The following TBC1D19 variants were observed in gnomAD, a reference collection of about 807,000 sequenced individuals.
TBC1D19 encodes the protein TBC1 domain family, member 19.
In TBC1D19, 60 loss-of-function variants were observed where a neutral mutation model predicts 89.0. The observed-to-expected ratio is 0.67, with a 90% CI of 0.55 to 0.84. The LOEUF is 0.84. Among genes scored for constraint, TBC1D19 ranks in the 40% least tolerant of loss-of-function variants. The pLI, the probability that TBC1D19 is intolerant of heterozygous loss-of-function variation, is 0.00. For missense variants in TBC1D19, 500 were observed against 610.8 expected (o/e 0.82, Z 1.91); for synonymous variants, 189 against 199.7 (o/e 0.95, Z 0.45).
chr4:26,650,499 T>TATAA (rs1560445434), intron 7 of TBC1D19, among the ~76,000 whole-genome samples: 1 of 152,160 alleles, frequency 6.6e-6, no homozygotes, highest in African/African-American at 2.4e-5. Flanking sequence ...CTTTTGGCTG[T>TATAA]ATAAATGTCT....
chr4:26,664,840 C>T (rs1711658788), intron 8 of TBC1D19, among the ~76,000 whole-genome samples: 1 of 151,996 alleles, frequency 6.6e-6, no homozygotes, highest in South Asian at 2.1e-4. Flanking sequence ...TTTAGTGAGC[C>T]CTCTTTACTA....
chr4:26,695,661 C>T (rs1284568841), intron 13 of TBC1D19, among the ~76,000 whole-genome samples: 4 of 152,124 alleles, frequency 2.6e-5, no homozygotes, highest in African/African-American at 4.8e-5. Context: ...GCGGATCTCT[C>T]GGCAGAAACT....
chr4:26,805,090 A>G, the TBC1D19 span, among the ~76,000 whole-genome samples: 1 of 152,162 alleles, frequency 6.6e-6, no homozygotes, highest in Non-Finnish European at 1.5e-5. Context: ...TGAGACTTTG[A>G]GCAAATTACC....
chr4:26,726,766 G>T (rs754211906), intron 15 of TBC1D19, among the ~76,000 whole-genome samples: 1 of 152,166 alleles, frequency 6.6e-6, no homozygotes, highest in Admixed American at 6.5e-5. Context: ...AATCAGATAG[G>T]CGAGTTACGG....
chr4:26,754,015 C>A, intron 20 of TBC1D19, 125 bp downstream of exon 20: 3 of 875,158 alleles, frequency 3.4e-6, no homozygotes, highest in Non-Finnish European at 1.8e-6. Context: ...CGGGTAAAAC[C>A]TGTTAAGTTC....
intron 13 of TBC1D19, among the ~76,000 whole-genome samples, chr4:26,715,631 C>A (rs1716544606): frequency 6.6e-6 from 1 of 152,092 alleles, no homozygotes; most frequent in Admixed American, 6.6e-5. Context: ...CTGTCAGACC[C>A]ATCCTGAGCT....
chr4:26,834,722 A>G, the TBC1D19 span, among the ~76,000 whole-genome samples: 3 of 152,158 alleles, frequency 2.0e-5, no homozygotes, highest in South Asian at 6.2e-4. Context: ...TTCTCTCCTC[A>G]TCCATTGAGG....
chr4:26,764,560 C>T, the TBC1D19 span, among the ~76,000 whole-genome samples: 1 of 152,184 alleles, frequency 6.6e-6, no homozygotes, highest in African/African-American at 2.4e-5. Context: ...TCTTCATCTG[C>T]TTTCATCAGC....
intron 7 of TBC1D19, among the ~76,000 whole-genome samples, chr4:26,656,822 G>T (rs1744853002): frequency 1.3e-5 from 2 of 152,066 alleles, no homozygotes; most frequent in African/African-American, 4.8e-5. Context: ...GCCTCCCAAA[G>T]TGCTGGGATT....
chr4:26,855,430 A>G, the TBC1D19 span, among the ~76,000 whole-genome samples: 3 of 152,214 alleles, frequency 2.0e-5, no homozygotes, highest in African/African-American at 7.2e-5. Flanking sequence ...GCAGCTTTAC[A>G]ATCATTTTTA....
the TBC1D19 span, among the ~76,000 whole-genome samples, chr4:26,802,225 T>C: frequency 5.3e-5 from 8 of 151,996 alleles, 1 homozygote; most frequent in Non-Finnish European, 1.2e-4. Context: ...TGGGAATAGC[T>C]GAAGAAATTA....
chr4:26,618,662 C>G (rs898694587), intron 3 of TBC1D19, among the ~76,000 whole-genome samples: 2 of 152,184 alleles, frequency 1.3e-5, no homozygotes, highest in Non-Finnish European at 2.9e-5. Flanking sequence ...TGGTTATCTA[C>G]TGTGTACCAG....
intron 13 of TBC1D19, among the ~76,000 whole-genome samples, chr4:26,713,131 A>G (rs962635787): frequency 2.4e-5 from 3 of 127,060 alleles, no homozygotes; most frequent in Non-Finnish European, 3.8e-5. Context: ...TATTATATTA[A>G]TAGGTCAAAA....
At chr4:26,595,319 C>G (rs952731122) in intron 1 of TBC1D19, among the ~76,000 whole-genome samples, 1 of 152,028 alleles carries the variant, frequency 6.6e-6, no homozygotes, top group Non-Finnish European at 1.5e-5. Context: ...TTTTTGTATA[C>G]TTGGGTAGAA....
At chr4:26,700,873 A>G (rs1715264874) in intron 13 of TBC1D19, among the ~76,000 whole-genome samples, 1 of 152,100 alleles carries the variant, frequency 6.6e-6, no homozygotes, top group Non-Finnish European at 1.5e-5. Context: ...TCCATGTTCT[A>G]CAGTAAAGTC....
intron 7 of TBC1D19, among the ~76,000 whole-genome samples, chr4:26,654,541 A>G (rs941510341): frequency 2.0e-4 from 30 of 152,134 alleles, no homozygotes; most frequent in Non-Finnish European, 4.4e-5. Flanking sequence ...CTTTTCACAT[A>G]GTCCCATATT....
chr4:26,592,255 G>T (rs910898158), intron 1 of TBC1D19, among the ~76,000 whole-genome samples: 12 of 152,212 alleles, frequency 7.9e-5, no homozygotes, highest in African/African-American at 2.9e-4. Context: ...TATCTTAATA[G>T]ATGCAGAAAA....
At chr4:26,620,132 A>G (rs1741946149) in intron 3 of TBC1D19, among the ~76,000 whole-genome samples, 1 of 152,146 alleles carries the variant, frequency 6.6e-6, no homozygotes, top group Non-Finnish European at 1.5e-5. Flanking sequence ...AAACATTTCA[A>G]GCATTACCTC....
At chr4:26,644,816 T>A (rs1743802687) in intron 7 of TBC1D19, among the ~76,000 whole-genome samples, 1 of 152,256 alleles carries the variant, frequency 6.6e-6, no homozygotes, top group African/African-American at 2.4e-5. Flanking sequence ...TGAACTCCCA[T>A]TTACAATTGC....
Sources: gnomAD v4.1 joint callset for allele counts (sites outside exome capture counted in the v4.1 genomes callset) on GRCh38, gnomAD v4.1.1 for gene constraint, MANE v1.5 for transcripts, NCBI Gene and HGNC (gene_info 2026-07-23, HGNC 2026-07-21) for gene names.